Variants in ALDH1A1 observed in about 807,000 individuals in gnomAD.
ALDH1A1 encodes the protein aldehyde dehydrogenase 1A1.
Under a neutral mutation model 62.1 loss-of-function variants are expected in ALDH1A1, and 19 were observed. The observed-to-expected ratio is 0.31, with a 90% CI of 0.21 to 0.45. ALDH1A1 has a LOEUF of 0.45. Among genes scored for constraint, ALDH1A1 ranks in the 20% least tolerant of loss-of-function variants. The pLI is 1.00. For synonymous variants in ALDH1A1, 231 were observed against 215.9 expected, an observed-to-expected ratio of 1.07 and a Z score of -0.61; for missense variants, 521 against 607.1, an observed-to-expected ratio of 0.86 and a Z score of 1.49.
chr9:72,922,307 G>A (rs909803101), intron 7 of ALDH1A1, among the ~76,000 whole-genome samples: 2 of 152,148 alleles, frequency 1.3e-5, no homozygotes, highest in African/African-American at 2.4e-5. Context: ...ACACTGCTAG[G>A]AGGGGTAGAG....
chr9:72,934,281 C>T (rs1408316098), intron 2 of ALDH1A1, among the ~76,000 whole-genome samples: 1 of 152,170 alleles, frequency 6.6e-6, no homozygotes, highest in African/African-American at 2.4e-5. Flanking sequence ...TTTCACTGCT[C>T]TGAACAATTT....
intron 1 of ALDH1A1, among the ~76,000 whole-genome samples, chr9:72,944,732 A>G (rs1406749671): frequency 4.6e-5 from 7 of 152,130 alleles, no homozygotes; most frequent in Non-Finnish European, 1.0e-4. Flanking sequence ...AGATGATACT[A>G]TAAAAGTAAA....
chr9:72,941,012 T>A (rs1402948463), intron 1 of ALDH1A1, among the ~76,000 whole-genome samples: 1 of 152,290 alleles, frequency 6.6e-6, no homozygotes, highest in East Asian at 1.9e-4. Context: ...ACTGAATTTG[T>A]CTTTTCTTGA....
chr9:72,930,322 T>A (rs1830265134), intron 3 of ALDH1A1, among the ~76,000 whole-genome samples: 1 of 152,210 alleles, frequency 6.6e-6, no homozygotes, highest in African/African-American at 2.4e-5. Context: ...TTTTTTTTAT[T>A]TTTTGCCTCT....
In ALDH1A1 at chr9:72,929,039, C is replaced by T. The variant is rs768453147; in HGVS notation, c.313-18G>A. On this transcript the variant is annotated intron_variant, in intron 3 of 12. Coordinates refer to ENST00000297785, the MANE Select transcript of ALDH1A1 (RefSeq NM_000689.5). ...TCCATTGTCTGAAAAACATGTCAAACACCAAATCTAAAATTCCATAAGTTT... is the reference window on the plus strand; with the variant it reads ...TCCATTGTCTGAAAAACATGTCAAATACCAAATCTAAAATTCCATAAGTTT... 2.0e-5 allele frequency: 32 copies of T among 1,577,142 alleles called. No individual in the cohort carries two copies. Among genetic ancestry groups the T allele is most frequent in the Non-Finnish European group, 2.7e-5 (31 of 1,167,244 alleles).
At chr9:72,939,881 A>G (rs1830395009) in intron 2 of ALDH1A1, among the ~76,000 whole-genome samples, 1 of 152,064 alleles carries the variant, frequency 6.6e-6, no homozygotes, top group Non-Finnish European at 1.5e-5. Flanking sequence ...AAATAAATCT[A>G]TATACTATTT....
At chr9:72,933,290 A>G (rs187407965) in intron 2 of ALDH1A1, among the ~76,000 whole-genome samples, 1 of 152,338 alleles carries the variant, frequency 6.6e-6, no homozygotes, top group East Asian at 1.9e-4. Flanking sequence ...AGCAGAGTGA[A>G]GTAAGAAGAT....
intron 7 of ALDH1A1, among the ~76,000 whole-genome samples, chr9:72,921,342 C>G (rs1352395999): frequency 3.3e-5 from 5 of 151,778 alleles, no homozygotes; most frequent in African/African-American, 4.8e-5. Flanking sequence ...TTGTTTGCCT[C>G]TTTCATGACA....
intron 1 of ALDH1A1, among the ~76,000 whole-genome samples, chr9:72,950,698 A>G (rs1830534117): frequency 6.6e-6 from 1 of 151,704 alleles, no homozygotes; most frequent in Non-Finnish European, 1.5e-5. Flanking sequence ...CTAACAACCA[A>G]TATACTTCTA....
At chr9:72,947,706 C>T (rs1487110087) in intron 1 of ALDH1A1, among the ~76,000 whole-genome samples, 1 of 151,822 alleles carries the variant, frequency 6.6e-6, no homozygotes, top group Admixed American at 6.6e-5. Flanking sequence ...AGCATCAGAT[C>T]CAAGATAAAA....
chr9:72,946,773 T>C (rs1588146247), intron 1 of ALDH1A1, among the ~76,000 whole-genome samples: 1 of 151,966 alleles, frequency 6.6e-6, no homozygotes, highest in Non-Finnish European at 1.5e-5. Context: ...CCAAGCCAGA[T>C]AATTGCTATT....
Position 72,905,945 on chromosome 9 carries a change from A to G in ALDH1A1, c.1433+13T>C, listed in dbSNP as rs1320815227. 3 of 1,581,464 alleles carry G rather than the reference A, an allele frequency of 1.9e-6. No individual in the cohort carries two copies. The highest frequency in any genetic ancestry group is 2.6e-6 in the Non-Finnish European group (3 of 1,155,048). Reference sequence around the variant, plus strand: ...AAAAATAAATATTTATCTTAATAGAACGTTAATCTTACAGTTCTCTTCCAT... The same window carrying G: ...AAAAATAAATATTTATCTTAATAGAGCGTTAATCTTACAGTTCTCTTCCAT... On this transcript the variant is annotated intron_variant, in intron 12 of 12. Transcript: ENST00000297785.
At position 72,925,523 on chromosome 9, in the gene ALDH1A1, A is replaced by G. The variant is rs1160287229; in HGVS notation, c.594T>C (p.Thr198=). ...ATGCCACGTGGAGAGCAGTGAGAGG[A>G]GTTTGCTCTGCTGGTTTGACAACCA... The part of the protein sequence containing the change: ...NTVVVKPAEQ[T]PLTALHVASL... Residue 198 remains threonine (T), a synonymous_variant, in exon 6 of 13, where the codon ACT becomes ACC. Transcript: ENST00000297785. 11 of 1,613,890 alleles carry G rather than the reference A, an allele frequency of 6.8e-6. No individual in the cohort carries two copies. The highest frequency in any genetic ancestry group is 7.6e-6 in the Non-Finnish European group (9 of 1,179,920).
intron 1 of ALDH1A1, among the ~76,000 whole-genome samples, chr9:72,949,475 G>C (rs1563918922): frequency 6.6e-6 from 1 of 151,928 alleles, no homozygotes; most frequent in East Asian, 1.9e-4. Context: ...TCACTTACTT[G>C]CTGTGTAACT....
At chr9:72,925,939 A>T (rs1830199787) in intron 5 of ALDH1A1, among the ~76,000 whole-genome samples, 1 of 152,204 alleles carries the variant, frequency 6.6e-6, no homozygotes. Context: ...AAAAATGTTT[A>T]AAAAGGATGA....
intron 1 of ALDH1A1, among the ~76,000 whole-genome samples, chr9:72,952,243 A>C (rs1830552181): frequency 6.6e-6 from 1 of 151,970 alleles, no homozygotes; most frequent in South Asian, 2.1e-4. Context: ...TTACTCTCAG[A>C]ACGACTCAAG....
At chr9:72,906,793 G>A (rs905748804) in intron 11 of ALDH1A1, among the ~76,000 whole-genome samples, 1 of 152,120 alleles carries the variant, frequency 6.6e-6, no homozygotes, top group Non-Finnish European at 1.5e-5. Context: ...ATACGCAAGA[G>A]AAAAACACTT....
At chr9:72,915,931 A>G (rs1463127071) in intron 9 of ALDH1A1, among the ~76,000 whole-genome samples, 1 of 152,218 alleles carries the variant, frequency 6.6e-6, no homozygotes, top group African/African-American at 2.4e-5. Context: ...GACAGCACGC[A>G]TCAGTGTAAA....
At chr9:72,939,516 A>G (rs1174809226) in intron 2 of ALDH1A1, among the ~76,000 whole-genome samples, 3 of 150,798 alleles carry the variant, frequency 2.0e-5, no homozygotes, top group African/African-American at 7.3e-5. Flanking sequence ...GAACAATTTC[A>G]TATGAATAAA....
Sources: allele counts gnomAD v4.1 joint callset (sites outside exome capture counted in the v4.1 genomes callset), GRCh38; gene constraint gnomAD v4.1.1; transcripts MANE v1.5; gene names NCBI Gene and HGNC (gene_info 2026-07-23, HGNC 2026-07-21).